Variants in AHCYL2 observed in about 807,000 individuals in gnomAD.
AHCYL2 encodes adenosylhomocysteinase like 2, also known as S-adenosylhomocysteine hydrolase-like protein 2.
In AHCYL2, 28 loss-of-function variants were observed where a neutral mutation model predicts 81.4. The ratio of observed to expected loss-of-function variants is 0.34; its 90% CI spans 0.25 to 0.47. The LOEUF is 0.47. Ranked by LOEUF, AHCYL2 falls within the 20% of genes least tolerant of loss-of-function variation. AHCYL2 has a pLI of 1.00. For missense variants in AHCYL2, 551 were observed against 785.1 expected (o/e 0.70, Z 3.56); for synonymous variants, 272 against 290.2 (o/e 0.94, Z 0.64).
chr7:129,326,835 A>G (rs1563198083), intron 1 of AHCYL2, among the ~76,000 whole-genome samples: 1 of 152,144 alleles, frequency 6.6e-6, no homozygotes, highest in Non-Finnish European at 1.5e-5. Context: ...CTAAAAGGAG[A>G]TTGCAGAGAG....
intron 1 of AHCYL2, among the ~76,000 whole-genome samples, chr7:129,328,706 G>T (rs1798313837): frequency 6.6e-6 from 1 of 151,834 alleles, no homozygotes; most frequent in South Asian, 2.1e-4. Context: ...GGCTGCTCTT[G>T]AACTCCTGAC....
Position 129,395,028 on chromosome 7 carries a change from C to G in AHCYL2, c.721-2194C>G, listed in dbSNP as rs555112184. Among the ~76,000 whole-genome samples the G allele has an allele frequency of 7.3e-5, 11 of 151,224 alleles. No individual in the cohort carries two copies. The South Asian group carries it at 2.3e-3, about 32-fold the overall frequency. On this transcript the variant is annotated intron_variant, in intron 4 of 16. Transcript: ENST00000325006. Reference sequence around the variant, plus strand: ...GTTTTTTTTTTTACTTTTTGTATGTCCTGACATTTTTAATTGAGTGGTAGT... The same window carrying G: ...GTTTTTTTTTTTACTTTTTGTATGTGCTGACATTTTTAATTGAGTGGTAGT...
chr7:129,265,671 C>G (rs1795790824), intron 1 of AHCYL2, among the ~76,000 whole-genome samples: 1 of 152,114 alleles, frequency 6.6e-6, no homozygotes, highest in Admixed American at 6.5e-5. Context: ...GTTAATAGGT[C>G]ATATTCAGGA....
At chr7:129,236,728 T>G (rs1314832380) in intron 1 of AHCYL2, among the ~76,000 whole-genome samples, 1 of 152,222 alleles carries the variant, frequency 6.6e-6, no homozygotes, top group Admixed American at 6.5e-5. Context: ...TCACCATACA[T>G]TTACCAATAC....
chr7:129,424,810 C>T (rs751709674), intron 13 of AHCYL2, 64 bp from the exon 14 acceptor site: 34 of 1,569,046 alleles, frequency 2.2e-5, no homozygotes, highest in Non-Finnish European at 2.9e-5. Context: ...GCTTCTCTTC[C>T]CTCACTTCTC....
chr7:129,397,173 T>A, intron 4 of AHCYL2, 49 bp from the exon 5 acceptor site: 1 of 1,439,602 alleles, frequency 6.9e-7, no homozygotes, highest in East Asian at 2.3e-5. Context: ...TCTCCTTGAC[T>A]AGTTGTTTGG....
chr7:129,424,820 C>A, intron 13 of AHCYL2, 54 bp from the exon 14 acceptor site: 1 of 1,601,770 alleles, frequency 6.2e-7, no homozygotes, highest in South Asian at 1.1e-5. Flanking sequence ...CCTCACTTCT[C>A]AAAGGCCAGC....
intron 1 of AHCYL2, among the ~76,000 whole-genome samples, chr7:129,332,953 T>A (rs1798472919): frequency 6.6e-6 from 1 of 152,190 alleles, no homozygotes; most frequent in Non-Finnish European, 1.5e-5. Flanking sequence ...ATGACTATAG[T>A]TGACTTAGTC....
At chr7:129,237,519 C>T (rs1045663938) in intron 1 of AHCYL2, among the ~76,000 whole-genome samples, 12 of 151,140 alleles carry the variant, frequency 7.9e-5, no homozygotes, top group Non-Finnish European at 1.6e-4. Flanking sequence ...TTAGTGTTTA[C>T]GGTGAATTAT....
At chr7:129,277,955 G>T (rs1796284542) in intron 1 of AHCYL2, among the ~76,000 whole-genome samples, 1 of 152,134 alleles carries the variant, frequency 6.6e-6, no homozygotes, top group South Asian at 2.1e-4. Flanking sequence ...GAAGTGTGAT[G>T]GTTGGATTAT....
intron 1 of AHCYL2, among the ~76,000 whole-genome samples, chr7:129,315,669 T>A (rs1231598746): frequency 6.6e-6 from 1 of 152,242 alleles, no homozygotes. Context: ...CCACAACACC[T>A]GTATCCTAGT....
In AHCYL2 at chr7:129,414,420, C is replaced by CTTTTTTTTTT. The variant is rs10653631; in HGVS notation, c.1461+741_1461+750dup. Among the ~76,000 whole-genome samples, 6 of 125,472 alleles carry CTTTTTTTTTT rather than the reference C, an allele frequency of 4.8e-5. 1 individual carries two copies. The highest frequency in any genetic ancestry group is 4.8e-5 in the Non-Finnish European group (3 of 62,498). 82.3% of individuals were successfully genotyped at this position (125,472 alleles called of 152,430 possible). A position where few individuals can be genotyped will look rare whatever the true frequency, so the allele number is the denominator to read the frequency against. The stretch of plus-strand genomic sequence containing the variant: ...GTAATAGTTAATAGAAATGTTGTTT[C>CTTTTTTTTTT]TTTTTTTTTTTTTTTTTTGAGACGG... On this transcript the variant is annotated intron_variant, in intron 12 of 16. Transcript: ENST00000325006.
intron 1 of AHCYL2, among the ~76,000 whole-genome samples, chr7:129,343,812 A>G (rs573496370): frequency 6.6e-6 from 1 of 152,180 alleles, no homozygotes; most frequent in African/African-American, 2.4e-5. Context: ...GTTCTCCAAA[A>G]TTAGAAACTT....
intron 1 of AHCYL2, among the ~76,000 whole-genome samples, chr7:129,373,554 C>T (rs949361211): frequency 3.3e-5 from 5 of 151,666 alleles, no homozygotes; most frequent in African/African-American, 4.8e-5. Flanking sequence ...GAGCCGAGAT[C>T]GCGCCACTGC....
chr7:129,243,372 A>G (rs936325503), intron 1 of AHCYL2, among the ~76,000 whole-genome samples: 1 of 151,972 alleles, frequency 6.6e-6, no homozygotes, highest in African/African-American at 2.4e-5. Context: ...TGTTGAAAAT[A>G]TCTTTTGGTC....
intron 1 of AHCYL2, among the ~76,000 whole-genome samples, chr7:129,312,190 TTC>T (rs1391918051): frequency 6.6e-6 from 1 of 152,210 alleles, no homozygotes; most frequent in South Asian, 2.1e-4. Flanking sequence ...GCTTAAGTGA[TTC>T]TCTCAGCTCA....
chr7:129,233,568 A>G (rs942718131), intron 1 of AHCYL2, among the ~76,000 whole-genome samples: 3 of 151,264 alleles, frequency 2.0e-5, no homozygotes, highest in African/African-American at 4.9e-5. Flanking sequence ...GCTCACTGCA[A>G]CCTCCGCCTC....
intron 1 of AHCYL2, among the ~76,000 whole-genome samples, chr7:129,272,133 TG>T (rs1026009879): frequency 8.5e-5 from 13 of 152,212 alleles, no homozygotes; most frequent in African/African-American, 3.1e-4. Context: ...GGAACCTAGC[TG>T]CCATGCTGTG....
At chr7:129,235,447 G>T (rs1794610403) in intron 1 of AHCYL2, among the ~76,000 whole-genome samples, 1 of 151,676 alleles carries the variant, frequency 6.6e-6, no homozygotes, top group Non-Finnish European at 1.5e-5. Flanking sequence ...TCTTGAGACA[G>T]GGTCTCACTG....
Sources: allele counts gnomAD v4.1 joint callset (sites outside exome capture counted in the v4.1 genomes callset), GRCh38; gene constraint gnomAD v4.1.1; transcripts MANE v1.5; gene names NCBI Gene and HGNC (gene_info 2026-07-23, HGNC 2026-07-21).